KAZN: variants seen among roughly 807,000 people sequenced by gnomAD.
The protein encoded by KAZN is kazrin, periplakin interacting protein, also known as kazrin.
A neutral mutation model predicts 87.4 loss-of-function variants in KAZN; 40 were observed. The ratio of observed to expected loss-of-function variants is 0.46; its 90% CI spans 0.36 to 0.60. The LOEUF is 0.60. KAZN is among the 20% of genes least tolerant of loss of function. The probability of loss-of-function intolerance (pLI) is 0.00; values close to 1 mark genes in which losing one functional copy is unlikely to be tolerated. For missense variants in KAZN, 898 were observed against 1,073.9 expected, an observed-to-expected ratio of 0.84 and a Z score of 2.29; for synonymous variants, 466 against 458.3, an observed-to-expected ratio of 1.02 and a Z score of -0.22.
At chr1:14,245,821 A>G (rs1230732748) in intron 2 of KAZN, among the ~76,000 whole-genome samples, 1 of 152,132 alleles carries the variant, frequency 6.6e-6, no homozygotes, top group Non-Finnish European at 1.5e-5. Context: ...CAGCAATCTC[A>G]TTGCTGGGTA....
chr1:13,941,726 C>T (rs12133717), intron 1 of KAZN, among the ~76,000 whole-genome samples: 19,907 of 151,944 alleles, frequency 0.13, 1,394 homozygotes, highest in Middle Eastern at 0.22. Flanking sequence ...GTAGAAAAAC[C>T]GGCCCCAAAT....
chr1:14,879,059 C>T (rs1040828861), intron 1 of KAZN, among the ~76,000 whole-genome samples: 2 of 152,158 alleles, frequency 1.3e-5, no homozygotes, highest in African/African-American at 2.4e-5. Flanking sequence ...AATCCCTGCT[C>T]GTATCTGCCA....
At chr1:14,621,085 G>A (rs143083899) in intron 1 of KAZN, among the ~76,000 whole-genome samples, 34 of 152,250 alleles carry the variant, frequency 2.2e-4, no homozygotes, top group Non-Finnish European at 4.3e-4. Context: ...TACTTCCCAG[G>A]GGAGCTGCCA....
At chr1:14,121,083 G>A (rs1194176962) in intron 1 of KAZN, among the ~76,000 whole-genome samples, 1 of 152,180 alleles carries the variant, frequency 6.6e-6, no homozygotes, top group East Asian at 1.9e-4. Context: ...GGAAGCAGAG[G>A]CGAGAGAAGG....
chr1:14,268,861 A>T (rs1651702687), intron 2 of KAZN, among the ~76,000 whole-genome samples: 1 of 152,238 alleles, frequency 6.6e-6, no homozygotes, highest in Admixed American at 6.5e-5. Context: ...TGCCACCTTA[A>T]TTTAAAAAAG....
intron 1 of KAZN, among the ~76,000 whole-genome samples, chr1:14,754,232 A>G (rs72636637): frequency 0.02 from 3,083 of 152,276 alleles, 46 homozygotes; most frequent in Non-Finnish European, 0.032. Flanking sequence ...GAGAAAGACA[A>G]TGATTTATGT....
intron 4 of KAZN, among the ~76,000 whole-genome samples, chr1:15,055,287 G>A (rs1405368081): frequency 1.3e-5 from 2 of 152,234 alleles, no homozygotes; most frequent in Middle Eastern, 3.4e-3. Context: ...GACCAGCCTG[G>A]CCAACATGGT....
rs180899628 is a variant in KAZN at position 14,469,039 on chromosome 1, A to G, written c.250-129944A>G. ...CTTCGTTGGCAGAGGCTGACAACCA[A>G]TGTTGAAATCAGATTGTTCCCTTCA... On this transcript the variant is annotated intron_variant, in intron 2 of 16. Transcript: ENST00000636203. 2.1e-4 allele frequency among the ~76,000 whole-genome samples: 32 copies of G among 152,288 alleles called. No individual in the cohort carries two copies. The East Asian group carries it at 4.3e-3, about 20-fold the overall frequency.
chr1:14,105,919 C>A (rs375476599), intron 1 of KAZN, among the ~76,000 whole-genome samples: 2 of 152,224 alleles, frequency 1.3e-5, no homozygotes, highest in African/African-American at 4.8e-5. Context: ...GGGAAAGATA[C>A]TTTTAACCTA....
chr1:14,960,546 G>C (rs1663717812), intron 1 of KAZN, 138 bp from the exon 2 acceptor site: 1 of 841,832 alleles, frequency 1.2e-6, no homozygotes, highest in African/African-American at 1.7e-5. Flanking sequence ...TAAGGCAGTG[G>C]CCTCCCTTCA....
At chr1:14,307,373 T>C (rs904574892) in intron 2 of KAZN, among the ~76,000 whole-genome samples, 2 of 152,208 alleles carry the variant, frequency 1.3e-5, no homozygotes, top group African/African-American at 4.8e-5. Flanking sequence ...CCCTGATGTT[T>C]TGGGTTGCTT....
intron 2 of KAZN, among the ~76,000 whole-genome samples, chr1:14,502,916 A>G (rs993398228): frequency 1.3e-5 from 2 of 152,184 alleles, no homozygotes; most frequent in African/African-American, 4.8e-5. Flanking sequence ...GTTGACAGCC[A>G]GAACTTTCAC....
chr1:14,474,744 T>A (rs1668628210), intron 2 of KAZN, among the ~76,000 whole-genome samples: 1 of 152,158 alleles, frequency 6.6e-6, no homozygotes, highest in Admixed American at 6.5e-5. Context: ...GAATACCAGA[T>A]AGGAGGCCAT....
At chr1:14,728,428 C>T (rs1296851933) in intron 1 of KAZN, among the ~76,000 whole-genome samples, 1 of 152,070 alleles carries the variant, frequency 6.6e-6, no homozygotes, top group African/African-American at 2.4e-5. Context: ...CTGCCGCTCA[C>T]CTCCTGCTGC....
chr1:14,484,358 C>CA (rs770845089), intron 2 of KAZN, among the ~76,000 whole-genome samples: 18 of 149,570 alleles, frequency 1.2e-4, no homozygotes, highest in South Asian at 2.1e-4. Context: ...TTTACACCAC[C>CA]AAAAAAAAAT....
At chr1:14,524,223 T>C (rs929729644) in intron 2 of KAZN, among the ~76,000 whole-genome samples, 4 of 152,110 alleles carry the variant, frequency 2.6e-5, no homozygotes, top group Non-Finnish European at 4.4e-5. Context: ...GGTTTCACCA[T>C]GCTGGCCAGG....
intron 1 of KAZN, among the ~76,000 whole-genome samples, chr1:14,629,463 A>T (rs1260688309): frequency 1.3e-5 from 2 of 152,190 alleles, no homozygotes; most frequent in Non-Finnish European, 2.9e-5. Context: ...ATGGTCAGGG[A>T]TGCTCATGAT....
chr1:14,436,096 G>GTA (rs1666367311), intron 2 of KAZN, among the ~76,000 whole-genome samples: 1 of 152,156 alleles, frequency 6.6e-6, no homozygotes, highest in African/African-American at 2.4e-5. Context: ...GGGTGTGGTG[G>GTA]CGGGCGCCTG....
intron 2 of KAZN, among the ~76,000 whole-genome samples, chr1:14,535,868 A>G (rs1227298761): frequency 6.6e-6 from 1 of 152,148 alleles, no homozygotes; most frequent in African/African-American, 2.4e-5. Flanking sequence ...CATCAACTGA[A>G]AATAAGGAGA....
Sources: allele counts gnomAD v4.1 joint callset (sites outside exome capture counted in the v4.1 genomes callset), GRCh38; gene constraint gnomAD v4.1.1; transcripts MANE v1.5; gene names NCBI Gene and HGNC (gene_info 2026-07-23, HGNC 2026-07-21).